BCKDHB: variants seen among roughly 807,000 people sequenced by gnomAD.
BCKDHB encodes 2-oxoisovalerate dehydrogenase subunit beta, mitochondrial.
In BCKDHB, 41 loss-of-function variants were observed where a neutral mutation model predicts 48.5. The ratio of observed to expected loss-of-function variants is 0.85; its 90% confidence interval spans 0.66 to 1.10. The LOEUF (loss-of-function observed/expected upper bound fraction) is 1.10, where lower values mean the gene tolerates loss of function less well. BCKDHB is among the 50% of genes least tolerant of loss of function. The probability of loss-of-function intolerance (pLI) is 0.00; values close to 1 mark genes in which losing one functional copy is unlikely to be tolerated. For synonymous variants in BCKDHB, 201 were observed against 174.8 expected (o/e 1.15, Z -1.18); for missense variants, 496 against 494.2 (o/e 1.00, Z -0.03).
chr6:80,390,962 G>A, the BCKDHB span, among the ~76,000 whole-genome samples: 1 of 152,072 alleles, frequency 6.6e-6, no homozygotes, highest in Non-Finnish European at 1.5e-5. Flanking sequence ...AACGTGAAAA[G>A]GAGAGAGTGG....
chr6:80,381,062 A>G, the BCKDHB span, among the ~76,000 whole-genome samples: 2 of 152,032 alleles, frequency 1.3e-5, no homozygotes, highest in African/African-American at 4.8e-5. Context: ...GAAGGTAGGT[A>G]TATAATTCAG....
chr6:80,199,844 G>A (rs1372854172), intron 6 of BCKDHB, among the ~76,000 whole-genome samples: 7 of 150,222 alleles, frequency 4.7e-5, no homozygotes, highest in Non-Finnish European at 1.0e-4. Context: ...GGCCAAGGTG[G>A]GTGGATCATT....
chr6:80,144,419 A>G (rs769400738), intron 3 of BCKDHB, among the ~76,000 whole-genome samples: 1 of 152,190 alleles, frequency 6.6e-6, no homozygotes. Context: ...ATTACAATGC[A>G]TAACTGTTTA....
intron 6 of BCKDHB, among the ~76,000 whole-genome samples, chr6:80,197,281 T>C (rs1273541811): frequency 2.0e-5 from 3 of 152,216 alleles, no homozygotes; most frequent in Non-Finnish European, 4.4e-5. Flanking sequence ...TTCTCTCAGG[T>C]GACTTGTTTG....
the BCKDHB span, among the ~76,000 whole-genome samples, chr6:80,461,168 A>G: frequency 6.6e-6 from 1 of 152,078 alleles, no homozygotes; most frequent in East Asian, 1.9e-4. Flanking sequence ...TTTTACTTGG[A>G]TGTTCTTCTG....
intron 9 of BCKDHB, among the ~76,000 whole-genome samples, chr6:80,298,508 G>A (rs1449825689): frequency 6.6e-6 from 1 of 152,214 alleles, no homozygotes; most frequent in Non-Finnish European, 1.5e-5. Flanking sequence ...TCAGAGAATG[G>A]AAAAATTCAA....
chr6:80,144,851 G>A (rs1373628708), intron 3 of BCKDHB, among the ~76,000 whole-genome samples: 2 of 152,140 alleles, frequency 1.3e-5, no homozygotes, highest in Non-Finnish European at 2.9e-5. Flanking sequence ...TACTAAGGGA[G>A]CAACAGCCAA....
chr6:80,108,790 G>A (rs2127703179), intron 1 of BCKDHB, among the ~76,000 whole-genome samples: 3 of 152,206 alleles, frequency 2.0e-5, no homozygotes, highest in Middle Eastern at 6.8e-3. Context: ...AACCTGGGAG[G>A]CAGAGGTTGC....
chr6:80,180,082 C>A (rs1365861230), intron 6 of BCKDHB, among the ~76,000 whole-genome samples: 1 of 152,138 alleles, frequency 6.6e-6, no homozygotes, highest in Non-Finnish European at 1.5e-5. Flanking sequence ...ACATGTCCAG[C>A]CTTTAGAAAT....
At chr6:80,327,146 C>T (rs1769071610) in intron 9 of BCKDHB, among the ~76,000 whole-genome samples, 1 of 152,176 alleles carries the variant, frequency 6.6e-6, no homozygotes, top group Non-Finnish European at 1.5e-5. Flanking sequence ...GATGGGGTTA[C>T]CTTCCAGTAG....
chr6:80,464,304 T>C, the BCKDHB span, among the ~76,000 whole-genome samples: 1 of 151,976 alleles, frequency 6.6e-6, no homozygotes, highest in South Asian at 2.1e-4. Flanking sequence ...TTTTTTTGTA[T>C]TTTTAGTAGA....
chr6:80,168,951 C>T lies in BCKDHB; in HGVS notation c.554C>T (p.Pro185Leu), dbSNP rs148905512. The T allele has an allele frequency of 1.9e-6, 3 of 1,614,168 alleles. No individual in the cohort carries two copies. The highest frequency in any genetic ancestry group is 2.7e-5 in the African/African-American group (2 of 75,066). ...FNCGSLTIRS[P>L]WGCVGHGALY... ...TGTGGAAGCCTCACTATCCGGTCCC[C>T]TTGGGGCTGTGTTGGTCATGGGGCT... Residue 185 changes from proline (P) to leucine (L), a missense_variant, in exon 5 of 10, where the codon CCT becomes CTT. Pro to Leu is a moderately conservative substitution (Grantham distance 98). Transcript: ENST00000320393.
chr6:80,290,661 C>G (rs1293887122), intron 9 of BCKDHB, among the ~76,000 whole-genome samples: 5 of 152,170 alleles, frequency 3.3e-5, no homozygotes, highest in Non-Finnish European at 5.9e-5. Context: ...GGTCCCAATT[C>G]AGACCCCAAG....
At chr6:80,154,207 A>G (rs1297341671) in intron 3 of BCKDHB, among the ~76,000 whole-genome samples, 3 of 152,150 alleles carry the variant, frequency 2.0e-5, no homozygotes, top group African/African-American at 7.2e-5. Context: ...GACTTATCGC[A>G]TTGTAAGTTG....
At chr6:80,126,743 C>T (rs967441714) in intron 1 of BCKDHB, among the ~76,000 whole-genome samples, 4 of 151,998 alleles carry the variant, frequency 2.6e-5, no homozygotes, top group East Asian at 1.9e-4. Context: ...GAGCTTGAAT[C>T]GAAGCTCTAA....
chr6:80,175,348 C>T (rs1192027939), intron 6 of BCKDHB, among the ~76,000 whole-genome samples: 1 of 152,190 alleles, frequency 6.6e-6, no homozygotes, highest in Non-Finnish European at 1.5e-5. Context: ...GAAAGCTAGT[C>T]TTTGGCTTAA....
chr6:80,146,851 A>G (rs990922155), intron 3 of BCKDHB, among the ~76,000 whole-genome samples: 3 of 152,110 alleles, frequency 2.0e-5, no homozygotes, highest in Non-Finnish European at 4.4e-5. Context: ...ATGTATTAAT[A>G]AAATACATCT....
rs1773929568 is a variant in BCKDHB, at chr6:80,192,167, A to G, written c.743-8767A>G. ...CAATAAGAATAAAATAAAAGTTCTA[A>G]AAAGTGTATCAGTTTAATTAGCAGT... On this transcript the variant is annotated intron_variant, in intron 6 of 9. Coordinates refer to ENST00000320393, the MANE Select transcript of BCKDHB (RefSeq NM_183050.4). Among the ~76,000 whole-genome samples the G allele has an allele frequency of 2.0e-5, 3 of 152,330 alleles. No individual in the cohort carries two copies. The South Asian group carries it at 6.2e-4, about 32-fold the overall frequency.
At chr6:80,181,815 G>A (rs1208891832) in intron 6 of BCKDHB, among the ~76,000 whole-genome samples, 1 of 152,124 alleles carries the variant, frequency 6.6e-6, no homozygotes, top group African/African-American at 2.4e-5. Context: ...CTCTTCATGG[G>A]AAAAGATGCC....
Sources: gnomAD v4.1 joint callset for allele counts (sites outside exome capture counted in the v4.1 genomes callset) on GRCh38, gnomAD v4.1.1 for gene constraint, MANE v1.5 for transcripts, NCBI Gene and HGNC (gene_info 2026-07-23, HGNC 2026-07-21) for gene names.